Variants in DLEU7 observed in about 807,000 individuals in gnomAD.
The protein encoded by DLEU7 is leukemia-associated protein 7.
In DLEU7, 17 loss-of-function variants were observed where a neutral mutation model predicts 16.0. That is an observed-to-expected ratio of 1.06 (90% confidence interval 0.73 to 1.59). DLEU7 has a LOEUF of 1.59. Ranked by LOEUF, DLEU7 falls within the 40% of genes most tolerant of loss-of-function variation. The pLI is 0.00. For synonymous variants in DLEU7, 113 were observed against 139.8 expected, an observed-to-expected ratio of 0.81 and a Z score of 1.35; for missense variants, 308 against 314.9, an observed-to-expected ratio of 0.98 and a Z score of 0.17.
chr13:50,820,615 C>T (rs1297903225), downstream of DLEU7, among the ~76,000 whole-genome samples: 2 of 152,050 alleles, frequency 1.3e-5, no homozygotes, highest in Non-Finnish European at 2.9e-5. Flanking sequence ...GAAGCAAGCT[C>T]ATCAGCTGAG....
At chr13:50,735,903 G>T (rs1427622292) in intron 1 of DLEU7, among the ~76,000 whole-genome samples, 1 of 151,928 alleles carries the variant, frequency 6.6e-6, no homozygotes, top group African/African-American at 2.4e-5. Context: ...CTACACTGTT[G>T]GTGGGAGTGT....
chr13:50,719,857 CT>C (rs1343867700), intron 1 of DLEU7: 2 of 152,126 alleles, frequency 1.3e-5, no homozygotes, highest in East Asian at 3.8e-4. Context: ...GTTAAAGTAT[CT>C]TTTACAGTCT....
intron 1 of DLEU7, among the ~76,000 whole-genome samples, chr13:50,780,909 A>C (rs982457546): frequency 6.6e-6 from 1 of 152,136 alleles, no homozygotes; most frequent in African/African-American, 2.4e-5. Context: ...GTTCTGCCAG[A>C]TAGGTTTCCA....
At chr13:50,784,862 T>G (rs1875756522) in intron 1 of DLEU7, among the ~76,000 whole-genome samples, 1 of 152,240 alleles carries the variant, frequency 6.6e-6, no homozygotes, top group Non-Finnish European at 1.5e-5. Context: ...TGTTCTTCCC[T>G]AGAGCTGTCA....
rs371561430 is a variant in DLEU7, at chr13:50,843,207, G to C, written c.440C>G (p.Ser147Cys). The C allele has an allele frequency of 6.3e-7, 1 of 1,593,490 alleles. No homozygotes were observed. The highest frequency in any genetic ancestry group is 8.5e-7 in the Non-Finnish European group (1 of 1,170,892). ...ACTCACCTTCAGGTGAATGGGAAAG[G>C]ACCGCTCCTGCTGGAGGGGCCCCAG... ...TLLGPLQQERSFPIHLKDSVE... is the reference protein window; with the variant it reads ...TLLGPLQQERCFPIHLKDSVE... The change falls in exon 1 of 2, where the codon TCC becomes TGC. Residue 147 changes from serine to cysteine, a missense_variant. Ser to Cys is a moderately radical substitution (Grantham distance 112, BLOSUM62 -1). Coordinates refer to ENST00000504404, the MANE Select transcript of DLEU7 (RefSeq NM_001306135.2). This position sits in a 1 kb window ranked among gnomAD's most constrained non-coding sequence, Gnocchi z 5.7.
intron 1 of DLEU7, among the ~76,000 whole-genome samples, chr13:50,824,949 A>G (rs1877034862): frequency 6.6e-6 from 1 of 152,210 alleles, no homozygotes; most frequent in African/African-American, 2.4e-5. Flanking sequence ...ACTATAAAAT[A>G]TATTTTAAAT....
chr13:50,836,345 A>G (rs1566269581), intron 1 of DLEU7, among the ~76,000 whole-genome samples: 1 of 150,784 alleles, frequency 6.6e-6, no homozygotes, highest in East Asian at 1.9e-4. Flanking sequence ...GAAGAAAGAG[A>G]AGGAGAGGAG....
chr13:50,713,384 C>A, intron 1 of DLEU7: 1 of 1,047,386 alleles, frequency 9.5e-7, no homozygotes, highest in South Asian at 1.5e-5. Flanking sequence ...CATTTCTTGG[C>A]TACCCATTAT....
chr13:50,793,066 C>A (rs546445438), intron 1 of DLEU7, among the ~76,000 whole-genome samples: 2 of 152,028 alleles, frequency 1.3e-5, no homozygotes, highest in African/African-American at 4.8e-5. Context: ...ATCTATTGTT[C>A]CTGTTTTTTG....
At chr13:50,799,389 T>A (rs1876188329) in intron 1 of DLEU7, among the ~76,000 whole-genome samples, 1 of 152,228 alleles carries the variant, frequency 6.6e-6, no homozygotes, top group Non-Finnish European at 1.5e-5. Flanking sequence ...TTGTGCTATT[T>A]GCTGATCCTG....
At chr13:50,800,740 T>C (rs1165911960) in intron 1 of DLEU7, among the ~76,000 whole-genome samples, 7 of 152,156 alleles carry the variant, frequency 4.6e-5, no homozygotes, top group Non-Finnish European at 8.8e-5. Context: ...TGGTGCTTTA[T>C]ACCCTAAATC....
chr13:50,711,773 G>GGGGA (rs1873294850), downstream of DLEU7: 1 of 26,720 alleles, frequency 3.7e-5, no homozygotes, highest in Non-Finnish European at 5.8e-5. Context: ...ACCCAGTGGC[G>GGGGA]GGGGCGGGGG....
Position 50,843,419 on chromosome 13 carries a change from A to T in DLEU7, c.228T>A (p.Ser76Arg). 1 of 1,306,236 alleles carries T rather than the reference A, an allele frequency of 7.7e-7. No homozygotes were observed. The allele number at this position is 1,306,236 out of a possible 1,614,324, so 80.9% of individuals were successfully genotyped here. ...EERGGGVGTR[S>R]RRTAARANSP... ...AGTTCGCCCGCGCCGCGGTCCGCCG[A>T]CTCCTGGTCCCCACGCCCCCGCCCC... Residue 76 changes from serine to arginine, a missense_variant, in exon 1 of 2, where the codon AGT (serine) becomes AGA (arginine). Physicochemically the swap from Ser to Arg is moderately radical, Grantham distance 110. Coordinates refer to ENST00000504404, the MANE Select transcript of DLEU7 (RefSeq NM_001306135.2). This position sits in a 1 kb window ranked among gnomAD's most constrained non-coding sequence, Gnocchi z 5.7.
intron 1 of DLEU7, chr13:50,840,140 G>T (rs182007121): frequency 6.6e-6 from 1 of 152,132 alleles, no homozygotes; most frequent in African/African-American, 2.4e-5. Context: ...AGGTTCCCAC[G>T]TACTTCTAGG....
At chr13:50,787,640 T>C (rs2137770507) in intron 1 of DLEU7, among the ~76,000 whole-genome samples, 1 of 152,120 alleles carries the variant, frequency 6.6e-6, no homozygotes, top group South Asian at 2.1e-4. Context: ...TGTTCCTACT[T>C]TCCATTCATT....
At chr13:50,788,415 G>A (rs916645226) in intron 1 of DLEU7, among the ~76,000 whole-genome samples, 10 of 152,284 alleles carry the variant, frequency 6.6e-5, no homozygotes, top group African/African-American at 2.4e-4. Context: ...AAACACTGAC[G>A]AATAATACCA....
At chr13:50,822,632 C>T (rs944171677), downstream of DLEU7, 31 of 984,770 alleles carry the variant, frequency 3.1e-5, no homozygotes, top group East Asian at 1.9e-3. Context: ...TAGACTTTTC[C>T]ACATGAGACT....
chr13:50,731,427 T>A (rs1475332771), intron 1 of DLEU7, among the ~76,000 whole-genome samples: 4 of 152,210 alleles, frequency 2.6e-5, no homozygotes, highest in Non-Finnish European at 5.9e-5. Context: ...ATTTATGAAT[T>A]GAATAACAAT....
intron 1 of DLEU7, among the ~76,000 whole-genome samples, chr13:50,802,422 G>A (rs1303229651): frequency 6.6e-6 from 1 of 151,778 alleles, no homozygotes; most frequent in African/African-American, 2.4e-5. Flanking sequence ...AAGAAAGCTG[G>A]AGCCAAAAAT....
Sources: allele counts gnomAD v4.1 joint callset (sites outside exome capture counted in the v4.1 genomes callset), GRCh38; gene constraint gnomAD v4.1.1; non-coding constraint Gnocchi (gnomAD v3.1); transcripts MANE v1.5; gene names NCBI Gene and HGNC (gene_info 2026-07-23, HGNC 2026-07-21).